The following MAST2 variants were observed in gnomAD, a reference collection of about 807,000 sequenced individuals.
The protein encoded by MAST2 is microtubule-associated serine/threonine-protein kinase 2.
A neutral mutation model predicts 147.4 loss-of-function variants in MAST2; 70 were observed. The ratio of observed to expected loss-of-function variants is 0.47; its 90% CI spans 0.39 to 0.58. The LOEUF is 0.58. Among genes scored for constraint, MAST2 ranks in the 20% least tolerant of loss-of-function variants. The pLI is 0.00. For missense variants in MAST2, 2,080 were observed against 2,302.3 expected (o/e 0.90, Z 1.98); for synonymous variants, 869 against 896.8 (o/e 0.97, Z 0.55).
intron 5 of MAST2, among the ~76,000 whole-genome samples, chr1:45,966,648 GGA>G (rs921498914): frequency 6.6e-6 from 1 of 152,224 alleles, no homozygotes; most frequent in Admixed American, 6.5e-5. Flanking sequence ...CTTGAACCAG[GGA>G]GGTGGAGGTT....
intron 4 of MAST2, among the ~76,000 whole-genome samples, chr1:45,897,852 C>T (rs1052348429): frequency 1.3e-5 from 2 of 151,716 alleles, no homozygotes; most frequent in African/African-American, 2.4e-5. Context: ...TACTTGTAAT[C>T]CCAGCACTTT....
chr1:46,033,450 A>AG (rs1480369709), intron 26 of MAST2, among the ~76,000 whole-genome samples: 2 of 152,044 alleles, frequency 1.3e-5, no homozygotes, highest in East Asian at 1.9e-4. Flanking sequence ...AAAAAAAAAA[A>AG]AAAAGATGTA....
chr1:46,008,834 A>T (rs1431894176), intron 9 of MAST2, among the ~76,000 whole-genome samples: 1 of 152,206 alleles, frequency 6.6e-6, no homozygotes, highest in African/African-American at 2.4e-5. Flanking sequence ...ACACAGACAG[A>T]AGTAGGCTGC....
intron 4 of MAST2, among the ~76,000 whole-genome samples, chr1:45,933,494 CT>C (rs1655688546): frequency 6.6e-6 from 1 of 150,850 alleles, no homozygotes; most frequent in Non-Finnish European, 1.5e-5. Flanking sequence ...AATCCTAGCA[CT>C]TTGGGAAGCC....
At chr1:45,940,235 C>T (rs1385165675) in intron 4 of MAST2, among the ~76,000 whole-genome samples, 1 of 151,816 alleles carries the variant, frequency 6.6e-6, no homozygotes, top group Admixed American at 6.6e-5. Context: ...TCAGGTGATC[C>T]ACCCGCCTCG....
At chr1:45,857,198 A>G (rs1048036354) in intron 3 of MAST2, among the ~76,000 whole-genome samples, 51 of 152,214 alleles carry the variant, frequency 3.4e-4, no homozygotes, top group Non-Finnish European at 6.9e-4. Flanking sequence ...TTGTATAGCT[A>G]GGCCCATGAT....
intron 4 of MAST2, among the ~76,000 whole-genome samples, chr1:45,903,411 T>C (rs956565167): frequency 6.6e-6 from 1 of 152,200 alleles, no homozygotes; most frequent in Non-Finnish European, 1.5e-5. Flanking sequence ...ATTACAGGCA[T>C]GAGCCACTGT....
At chr1:45,899,706 T>G (rs1437253392) in intron 4 of MAST2, among the ~76,000 whole-genome samples, 6 of 152,132 alleles carry the variant, frequency 3.9e-5, no homozygotes, top group African/African-American at 1.4e-4. Flanking sequence ...TCCAATCTAC[T>G]GATGGTGGGC....
At chr1:45,823,193 G>T (rs1402527375) in intron 1 of MAST2, among the ~76,000 whole-genome samples, 1 of 150,120 alleles carries the variant, frequency 6.7e-6, no homozygotes, top group Non-Finnish European at 1.5e-5. Context: ...TAACTGTATA[G>T]AATTTTTTTC....
chr1:45,971,368 C>T (rs1029779176), intron 5 of MAST2, among the ~76,000 whole-genome samples: 2 of 152,152 alleles, frequency 1.3e-5, no homozygotes, highest in African/African-American at 2.4e-5. Flanking sequence ...TCAGGAAGGA[C>T]GTGAAAGACA....
chr1:45,849,889 G>A (rs1450709045), intron 3 of MAST2, among the ~76,000 whole-genome samples: 1 of 152,152 alleles, frequency 6.6e-6, no homozygotes, highest in East Asian at 1.9e-4. Flanking sequence ...CTTTACTATT[G>A]TGAATAGTGC....
At chr1:45,892,152 A>G (rs949901620) in intron 4 of MAST2, among the ~76,000 whole-genome samples, 2 of 152,216 alleles carry the variant, frequency 1.3e-5, no homozygotes, top group African/African-American at 2.4e-5. Flanking sequence ...TTGTTGGACA[A>G]CCATTTTTTA....
intron 4 of MAST2, among the ~76,000 whole-genome samples, chr1:45,932,854 G>A (rs1280634073): frequency 6.6e-6 from 1 of 151,902 alleles, no homozygotes; most frequent in Admixed American, 6.6e-5. Flanking sequence ...TGAGAACTAC[G>A]TAACTTTCTG....
At chr1:45,933,550 G>C (rs1034253766) in intron 4 of MAST2, among the ~76,000 whole-genome samples, 6 of 149,758 alleles carry the variant, frequency 4.0e-5, no homozygotes, top group African/African-American at 1.5e-4. Context: ...GACCAGCCTG[G>C]CTGACATGGT....
chr1:45,945,637 T>A (rs1340940448), intron 4 of MAST2, among the ~76,000 whole-genome samples: 1 of 152,238 alleles, frequency 6.6e-6, no homozygotes, highest in African/African-American at 2.4e-5. Context: ...AGTAGCAGAT[T>A]AAACTGTGTA....
At chr1:45,806,723 A>G (rs759355204) in intron 1 of MAST2, among the ~76,000 whole-genome samples, 1 of 152,112 alleles carries the variant, frequency 6.6e-6, no homozygotes, top group Non-Finnish European at 1.5e-5. Flanking sequence ...GATTACAGGC[A>G]TGCACCACCA....
intron 18 of MAST2, chr1:46,029,212 G>A (rs1646537497): frequency 5.5e-6 from 3 of 546,910 alleles, no homozygotes; most frequent in Admixed American, 6.2e-5. Flanking sequence ...AAGTGTGAGG[G>A]GTACGTCTGT....
chr1:45,854,636 A>G (rs917712622), intron 3 of MAST2, among the ~76,000 whole-genome samples: 1 of 152,218 alleles, frequency 6.6e-6, no homozygotes, highest in African/African-American at 2.4e-5. Flanking sequence ...AATATGAGAT[A>G]AAGGAAAAAC....
chr1:45,918,393 A>G (rs1007644657), intron 4 of MAST2, among the ~76,000 whole-genome samples: 1 of 152,184 alleles, frequency 6.6e-6, no homozygotes, highest in Non-Finnish European at 1.5e-5. Context: ...TTAGGTGGTG[A>G]GTATTGGGAA....
Sources: gnomAD v4.1 joint callset for allele counts (sites outside exome capture counted in the v4.1 genomes callset) on GRCh38, gnomAD v4.1.1 for gene constraint, MANE v1.5 for transcripts, NCBI Gene and HGNC (gene_info 2026-07-23, HGNC 2026-07-21) for gene names.